The following GOLGA1 variants were observed in gnomAD, a reference collection of about 807,000 sequenced individuals.
The protein encoded by GOLGA1 is golgin subfamily A member 1.
Under a neutral mutation model 119.7 loss-of-function variants are expected in GOLGA1, and 63 were observed. The ratio of observed to expected loss-of-function variants is 0.53; its 90% CI spans 0.43 to 0.65. The LOEUF (loss-of-function observed/expected upper bound fraction) is 0.65, where lower values mean the gene tolerates loss of function less well. Ranked by LOEUF, GOLGA1 falls within the 30% of genes least tolerant of loss-of-function variation. The pLI, the probability that GOLGA1 is intolerant of heterozygous loss-of-function variation, is 0.00. For missense variants in GOLGA1, 798 were observed against 912.8 expected (o/e 0.87, Z 1.62); for synonymous variants, 318 against 333.4 (o/e 0.95, Z 0.50).
At chr9:124,923,306 A>G (rs1323054884) in intron 7 of GOLGA1, 83 bp from the exon 8 acceptor site, 2 of 1,231,922 alleles carry the variant, frequency 1.6e-6, no homozygotes, top group African/African-American at 3.0e-5. Flanking sequence ...TTTCTTTTTT[A>G]AAATTTTTGT....
At chr9:124,903,468 A>AT (rs959514211) in intron 12 of GOLGA1, among the ~76,000 whole-genome samples, 5 of 150,512 alleles carry the variant, frequency 3.3e-5, no homozygotes, top group African/African-American at 1.2e-4. Context: ...ACAGAGCGAG[A>AT]TTTTGTCTAA....
At chr9:124,944,122 C>CA (rs1463478063), upstream of GOLGA1, 1 of 151,894 alleles carries the variant, frequency 6.6e-6, no homozygotes, top group Non-Finnish European at 1.5e-5. Context: ...TAAAAATAAG[C>CA]AAAAAAGTTG....
intron 14 of GOLGA1, 78 bp from the exon 15 acceptor site, chr9:124,898,722 A>G: frequency 1.2e-6 from 1 of 841,484 alleles, no homozygotes; most frequent in South Asian, 1.4e-5. Flanking sequence ...TGGACCAGGA[A>G]GAAGGCATAG....
At chr9:124,924,629 CCT>C (rs1204182301) in intron 7 of GOLGA1, among the ~76,000 whole-genome samples, 2 of 123,992 alleles carry the variant, frequency 1.6e-5, no homozygotes, top group African/African-American at 6.4e-5. Flanking sequence ...GTGGTGAGAC[CCT>C]GTCTCAAAAA....
At chr9:124,924,998 T>C (rs1416627204) in intron 7 of GOLGA1, among the ~76,000 whole-genome samples, 1 of 150,250 alleles carries the variant, frequency 6.7e-6, no homozygotes, top group East Asian at 2.0e-4. Context: ...GAGAATGGAG[T>C]AAACCCGGGA....
intron 10 of GOLGA1, among the ~76,000 whole-genome samples, chr9:124,917,987 G>A (rs1564338569): frequency 1.3e-5 from 2 of 152,022 alleles, no homozygotes; most frequent in Non-Finnish European, 2.9e-5. Context: ...CAAGTAGCTG[G>A]GATTACAGGT....
chr9:124,906,552 C>A (rs1265941506), intron 12 of GOLGA1, among the ~76,000 whole-genome samples: 1 of 152,052 alleles, frequency 6.6e-6, no homozygotes, highest in Non-Finnish European at 1.5e-5. Flanking sequence ...GAGTTTGAGA[C>A]CAGCCTGGCC....
At chr9:124,890,997 A>G (rs1829843212) in intron 15 of GOLGA1, among the ~76,000 whole-genome samples, 1 of 152,152 alleles carries the variant, frequency 6.6e-6, no homozygotes, top group East Asian at 1.9e-4. Flanking sequence ...TCTATAAACA[A>G]TAAGAAAAAT....
chr9:124,941,931 T>A (rs1369974781), upstream of GOLGA1, among the ~76,000 whole-genome samples: 1 of 151,854 alleles, frequency 6.6e-6, no homozygotes, highest in Admixed American at 6.6e-5. Context: ...TAAATAGCAA[T>A]CATGCAGGCA....
chr9:124,938,225 G>T (rs1379020685), intron 3 of GOLGA1, among the ~76,000 whole-genome samples: 1 of 152,118 alleles, frequency 6.6e-6, no homozygotes, highest in African/African-American at 2.4e-5. Context: ...AAGCAGCAAT[G>T]ACTTAGTTGT....
At chr9:124,899,622 C>G (rs1297821514) in intron 13 of GOLGA1, 144 bp from the exon 14 acceptor site, 29 of 778,618 alleles carry the variant, frequency 3.7e-5, no homozygotes, top group Admixed American at 3.4e-4. Flanking sequence ...TGAGGTCCCC[C>G]CTGCAGGCTC....
chr9:124,917,679 C>A (rs543230015), intron 10 of GOLGA1, among the ~76,000 whole-genome samples: 1 of 152,136 alleles, frequency 6.6e-6, no homozygotes, highest in African/African-American at 2.4e-5. Context: ...ATGTCACTGG[C>A]TTTCTTCTAG....
intron 12 of GOLGA1, among the ~76,000 whole-genome samples, chr9:124,906,461 C>G (rs113156935): frequency 0.03 from 4,419 of 145,458 alleles, 229 homozygotes; most frequent in African/African-American, 0.1. Flanking sequence ...AATAAGATAC[C>G]ATCACAGGCC....
At position 124,929,261 on chromosome 9, in the gene GOLGA1, TC is replaced by T; in HGVS notation, c.255del (p.Lys86ArgfsTer2). The T allele has an allele frequency of 3.7e-6, 6 of 1,610,926 alleles. No homozygotes were observed. The highest frequency in any genetic ancestry group is 5.1e-6 in the Non-Finnish European group (6 of 1,177,124). On this transcript the variant is annotated frameshift_variant, in exon 5 of 23. Coordinates refer to ENST00000373555, the MANE Select transcript of GOLGA1 (RefSeq NM_002077.4). LOFTEE classifies it high-confidence loss of function. ...GCAATTTCAAGCTTCTCTTTTATCTTCTGCAAGTTTCGGACCTGTTCAGCAT... is the reference window on the plus strand; with the variant it reads ...GCAATTTCAAGCTTCTCTTTTATCTTTGCAAGTTTCGGACCTGTTCAGCAT... ...SDYAEQVRNLQKIKEKLEIAL... is the reference protein window; with the variant it reads ...SDYAEQVRNLXKIKEKLEIAL...
At chr9:124,921,669 A>T in intron 9 of GOLGA1, 54 bp downstream of exon 9, 1 of 1,379,980 alleles carries the variant, frequency 7.2e-7, no homozygotes, top group East Asian at 2.3e-5. Flanking sequence ...GGCAGGCTAT[A>T]GCCAGAACTA....
chr9:124,917,405 C>T (rs1194144902), intron 10 of GOLGA1, among the ~76,000 whole-genome samples: 3 of 152,066 alleles, frequency 2.0e-5, no homozygotes, highest in Non-Finnish European at 4.4e-5. Flanking sequence ...ACAATACCAG[C>T]CCTTCTTTTG....
chr9:124,919,863 T>C (rs922553867), intron 10 of GOLGA1, among the ~76,000 whole-genome samples: 4 of 149,668 alleles, frequency 2.7e-5, no homozygotes, highest in Non-Finnish European at 4.5e-5. Flanking sequence ...TGGACAATCA[T>C]ACAATACGAG....
intron 11 of GOLGA1, among the ~76,000 whole-genome samples, 165 bp from the exon 12 acceptor site, chr9:124,908,637 C>T (rs1163485118): frequency 1.3e-5 from 2 of 152,218 alleles, no homozygotes; most frequent in African/African-American, 2.4e-5. Flanking sequence ...AAAGTACACA[C>T]AGATAAATTT....
intron 11 of GOLGA1, among the ~76,000 whole-genome samples, chr9:124,910,826 G>A (rs185399958): frequency 6.6e-6 from 1 of 152,236 alleles, no homozygotes; most frequent in African/African-American, 2.4e-5. Flanking sequence ...CACTCCTTAT[G>A]AGAATCTAGG....
Sources: gnomAD v4.1 joint callset for allele counts (sites outside exome capture counted in the v4.1 genomes callset) on GRCh38, gnomAD v4.1.1 for gene constraint, MANE v1.5 for transcripts, NCBI Gene and HGNC (gene_info 2026-07-23, HGNC 2026-07-21) for gene names.